Variants in PHACTR2 observed in about 807,000 individuals in gnomAD.
The protein encoded by PHACTR2 is chromosome 6 open reading frame 56.
A neutral mutation model predicts 76.0 loss-of-function variants in PHACTR2; 30 were observed. The ratio of observed to expected loss-of-function variants is 0.39; its 90% CI spans 0.30 to 0.54. The LOEUF (loss-of-function observed/expected upper bound fraction) is 0.54, where lower values mean the gene tolerates loss of function less well. Ranked by LOEUF, PHACTR2 falls within the 20% of genes least tolerant of loss-of-function variation. PHACTR2 has a pLI of 0.61. For synonymous variants in PHACTR2, 292 were observed against 292.5 expected, an observed-to-expected ratio of 1.00 and a Z score of 0.02; for missense variants, 696 against 781.1, an observed-to-expected ratio of 0.89 and a Z score of 1.30.
intron 1 of PHACTR2, among the ~76,000 whole-genome samples, chr6:143,579,053 G>C (rs566786347): frequency 6.6e-6 from 1 of 152,008 alleles, no homozygotes; most frequent in Admixed American, 6.6e-5. Context: ...ACAGGTGCAT[G>C]CCACCACACC....
rs2128460200 is a variant in PHACTR2, at chr6:143,708,364, G to A, written c.47-3652G>A. Among the ~76,000 whole-genome samples, 1 of 152,266 alleles carries A rather than the reference G, an allele frequency of 6.6e-6. No homozygotes were observed. The highest frequency in any genetic ancestry group is 1.5e-5 in the Non-Finnish European group (1 of 68,016). The stretch of plus-strand genomic sequence containing the variant: ...AGCTAATGACTGTATTTCAAAATAT[G>A]CTGTGTTTTAAAATGTAGAACTCAA... On this transcript the variant is annotated intron_variant, in intron 1 of 12. Coordinates refer to ENST00000440869, the MANE Select transcript of PHACTR2 (RefSeq NM_001100164.2). The surrounding 1 kb of genome is among the most constrained non-coding windows in gnomAD (Gnocchi z 5.5).
rs1465439734 is a variant in PHACTR2 at position 143,639,652 on chromosome 6, G to A, written c.13+31330G>A. 6.6e-6 allele frequency among the ~76,000 whole-genome samples: 1 copy of A among 152,180 alleles called. No individual in the cohort carries two copies. The highest frequency in any genetic ancestry group is 1.5e-5 in the Non-Finnish European group (1 of 68,032). On this transcript the variant is annotated intron_variant, in intron 1 of 11. Transcript: ENST00000305766. The surrounding 1 kb of genome is among the most constrained non-coding windows in gnomAD (Gnocchi z 5.0). ...ATGATGGATTAGCATACCCCATCAT[G>A]AGTAAGGATAGCGATGGTTTGAGCA...
intron 2 of PHACTR2, among the ~76,000 whole-genome samples, chr6:143,720,263 A>C: frequency 6.6e-6 from 1 of 152,210 alleles, no homozygotes; most frequent in East Asian, 1.9e-4. Context: ...TCCTTCTTGC[A>C]AAAACTTGCA....
intron 1 of PHACTR2, among the ~76,000 whole-genome samples, chr6:143,704,846 T>A (rs1205213686): frequency 6.6e-6 from 1 of 152,218 alleles, no homozygotes; most frequent in Non-Finnish European, 1.5e-5. Flanking sequence ...TTTTTGTCTT[T>A]GAGATGGGAT....
chr6:143,765,750 C>G lies in PHACTR2; in HGVS notation c.1184C>G (p.Thr395Ser). The part of the protein sequence containing the change: ...LWAEEPTNRT[T>S]LYSGTGLSVN... ...GCTGAAGAGCCGACGAACAGAACCA[C>G]TCTCTACTCAGGCACTGGCTTAAGT... Residue 395 changes from threonine (T) to serine (S), a missense_variant, in exon 6 of 13, where the codon ACT becomes AGT. Physicochemically the swap from Thr to Ser is moderately conservative, Grantham distance 58. This residue lies in a region of PHACTR2 where 236 missense variants were observed against 330.2 expected (regional missense o/e 0.71). Coordinates refer to ENST00000440869, the MANE Select transcript of PHACTR2 (RefSeq NM_001100164.2). The surrounding 1 kb of genome is among the most constrained non-coding windows in gnomAD (Gnocchi z 4.1). The G allele has an allele frequency of 6.2e-7, 1 of 1,614,218 alleles. No individual in the cohort carries two copies. The highest frequency in any genetic ancestry group is 8.5e-7 in the Non-Finnish European group (1 of 1,180,022).
At chr6:143,674,788 T>C (rs1344157374), upstream of PHACTR2, among the ~76,000 whole-genome samples, 5 of 152,230 alleles carry the variant, frequency 3.3e-5, no homozygotes, top group South Asian at 8.3e-4. The surrounding 1 kb of genome is among the most constrained non-coding windows in gnomAD (Gnocchi z 4.9). Context: ...TTTGGCTGCC[T>C]AGAAAAATCT....
At chr6:143,779,930 T>TTA (rs1285899812) in intron 9 of PHACTR2, among the ~76,000 whole-genome samples, 2 of 147,362 alleles carry the variant, frequency 1.4e-5, no homozygotes, top group Non-Finnish European at 3.0e-5. Context: ...TTATATTATA[T>TTA]TATATTATAT....
At chr6:143,630,433 T>C (rs1029812858) in intron 1 of PHACTR2, among the ~76,000 whole-genome samples, 6 of 152,012 alleles carry the variant, frequency 3.9e-5, no homozygotes, top group African/African-American at 1.2e-4. Flanking sequence ...ATCCAAATTG[T>C]ATTATTAATC....
chr6:143,590,358 A>G (rs1775676685), intron 1 of PHACTR2, among the ~76,000 whole-genome samples: 1 of 152,108 alleles, frequency 6.6e-6, no homozygotes, highest in Non-Finnish European at 1.5e-5. Flanking sequence ...AGCTTCTGGA[A>G]TTGTTCAGAG....
rs545627823 is a variant in PHACTR2, at chr6:143,567,713, G to A, written c.217+30506G>A. On this transcript the variant is annotated intron_variant, in intron 1 of 11. Transcript: ENST00000367584. ...CGCCCCCTATCTTTGATTTTGAAATGCCAGTCTGCATCAGCTAGAACCTTC... is the reference window on the plus strand; with the variant it reads ...CGCCCCCTATCTTTGATTTTGAAATACCAGTCTGCATCAGCTAGAACCTTC... Among the ~76,000 whole-genome samples, 3 of 152,168 alleles carry A rather than the reference G, an allele frequency of 2.0e-5. No individual in the cohort carries two copies. In the East Asian group the frequency reaches 5.8e-4, roughly 30 times the overall value.
rs557591943 is a variant in PHACTR2 at position 143,617,907 on chromosome 6, G to T, written c.13+9585G>T. On this transcript the variant is annotated intron_variant, in intron 1 of 11. Transcript: ENST00000305766. The surrounding 1 kb of genome is among the most constrained non-coding windows in gnomAD (Gnocchi z 4.8). ...ACTTAGTCACCTACTTCCTAATCAG[G>T]AAGGTTGGTTTCTTTTCCAACATCT... is the stretch of plus-strand genomic sequence containing the variant. 3.3e-5 allele frequency among the ~76,000 whole-genome samples: 5 copies of T among 152,310 alleles called. No individual in the cohort carries two copies. The East Asian group carries it at 7.7e-4, about 23-fold the overall frequency.
chr6:143,713,722 C>G (rs942166493), intron 2 of PHACTR2, among the ~76,000 whole-genome samples: 1 of 152,120 alleles, frequency 6.6e-6, no homozygotes, highest in Admixed American at 6.5e-5. Context: ...CCAGAGACAC[C>G]CTTACACCCT....
rs1338536 is a variant in PHACTR2 at position 143,608,610 on chromosome 6, A to G, written c.13+288A>G. Among the ~76,000 whole-genome samples the G allele has an allele frequency of 0.096, 14,617 of 152,170 alleles. 2,129 individuals are homozygous for G. The highest frequency in any genetic ancestry group is 0.31 in the African/African-American group (12,838 of 41,442). ...GTTTGATTCTTTTGTGCTCAGAGCGATGGGTGGAAAATGCATACAGTTAGT... is the reference window on the plus strand; with the variant it reads ...GTTTGATTCTTTTGTGCTCAGAGCGGTGGGTGGAAAATGCATACAGTTAGT... On this transcript the variant is annotated intron_variant, in intron 1 of 11. Coordinates refer to the PHACTR2 transcript ENST00000305766. The surrounding 1 kb of genome is among the most constrained non-coding windows in gnomAD (Gnocchi z 4.6).
rs112726774 is a variant in PHACTR2 at position 143,611,156 on chromosome 6, TAA to T, written c.13+2844_13+2845del. The stretch of plus-strand genomic sequence containing the variant: ...CATATTCTACAGTGCAGAGTACTGT[TAA>T]AAAAAAAAAGTTCTGCAGAATTTAT... On this transcript the variant is annotated intron_variant, in intron 1 of 11. Transcript: ENST00000305766. This position sits in a 1 kb window ranked among gnomAD's most constrained non-coding sequence, Gnocchi z 4.4. Among the ~76,000 whole-genome samples, 1 of 148,404 alleles carries T rather than the reference TAA, an allele frequency of 6.7e-6. No individual in the cohort carries two copies. The highest frequency in any genetic ancestry group is 1.5e-5 in the Non-Finnish European group (1 of 66,700).
chr6:143,724,182 C>T (rs751040269), intron 2 of PHACTR2, among the ~76,000 whole-genome samples: 1 of 152,090 alleles, frequency 6.6e-6, no homozygotes, highest in Non-Finnish European at 1.5e-5. Flanking sequence ...GTCACCCAGG[C>T]TGGACTGTAG....
At chr6:143,686,481 CTTTTTTTTTT>C (rs71024870) in intron 1 of PHACTR2, among the ~76,000 whole-genome samples, 6 of 83,984 alleles carry the variant, frequency 7.1e-5, no homozygotes, top group African/African-American at 2.8e-4. Context: ...GAACTTCATT[CTTTTTTTTTT>C]TTTTTTTTTT....
chr6:143,571,248 G>A lies in PHACTR2; in HGVS notation c.217+34041G>A, dbSNP rs1775444031. 6.6e-6 allele frequency among the ~76,000 whole-genome samples: 1 copy of A among 152,142 alleles called. No homozygotes were observed. Among genetic ancestry groups the A allele is most frequent in the Admixed American group, 6.5e-5 (1 of 15,282 alleles). On this transcript the variant is annotated intron_variant, in intron 1 of 11. Coordinates refer to the PHACTR2 transcript ENST00000367584. This position sits in a 1 kb window ranked among gnomAD's most constrained non-coding sequence, Gnocchi z 4.6. ...AGTAACAATTATCATTGCGGTGTTTGTCAGATGGTGACTTTCTAGTTATCA... is the reference window on the plus strand; with the variant it reads ...AGTAACAATTATCATTGCGGTGTTTATCAGATGGTGACTTTCTAGTTATCA...
At chr6:143,756,589 C>T (rs1210300787) in intron 4 of PHACTR2, among the ~76,000 whole-genome samples, 1 of 151,388 alleles carries the variant, frequency 6.6e-6, no homozygotes, top group African/African-American at 2.4e-5. Flanking sequence ...GTCCCAGCTA[C>T]TCGGGAGGCT....
chr6:143,718,168 A>C (rs976892911), intron 2 of PHACTR2, among the ~76,000 whole-genome samples: 1 of 152,110 alleles, frequency 6.6e-6, no homozygotes, highest in African/African-American at 2.4e-5. Context: ...CAGATCTTTG[A>C]TTTTCTGAAG....
Sources: gnomAD v4.1 joint callset for allele counts (sites outside exome capture counted in the v4.1 genomes callset) on GRCh38, gnomAD v4.1.1 for gene constraint, gnomAD v4.1.1 regional missense constraint, Gnocchi (gnomAD v3.1) non-coding constraint, MANE v1.5 for transcripts, NCBI Gene and HGNC (gene_info 2026-07-23, HGNC 2026-07-21) for gene names.